Variants in AASS observed in about 807,000 individuals in gnomAD.
The protein encoded by AASS is aminoadipate-semialdehyde synthase.
AASS carries 86 observed loss-of-function variants against 105.4 expected under a neutral mutation model. The ratio of observed to expected loss-of-function variants is 0.82; its 90% CI spans 0.69 to 0.98. The LOEUF (loss-of-function observed/expected upper bound fraction) is 0.98, where lower values mean the gene tolerates loss of function less well. Among genes scored for constraint, AASS ranks in the 50% least tolerant of loss-of-function variants. The pLI is 0.00. For missense variants in AASS, 1,048 were observed against 1,143.2 expected, an observed-to-expected ratio of 0.92 and a Z score of 1.20; for synonymous variants, 381 against 394.8, an observed-to-expected ratio of 0.96 and a Z score of 0.41.
chr7:122,141,927 G>A (rs1269234748), intron 1 of AASS, among the ~76,000 whole-genome samples: 1 of 152,122 alleles, frequency 6.6e-6, no homozygotes, highest in Non-Finnish European at 1.5e-5. Context: ...TAGAAATGTA[G>A]AACATAAATA....
At chr7:122,091,632 C>A (rs1203740080) in intron 18 of AASS, 71 bp downstream of exon 18, 21 of 1,608,944 alleles carry the variant, frequency 1.3e-5, no homozygotes, top group Non-Finnish European at 1.7e-5. Flanking sequence ...GGTTTGGGAT[C>A]AGGGAGTATT....
chr7:122,088,756 C>T (rs73717786), intron 18 of AASS, among the ~76,000 whole-genome samples: 2,034 of 152,120 alleles, frequency 0.013, 50 homozygotes, highest in African/African-American at 0.046. Context: ...CTCACTTAGA[C>T]TACATGTTTT....
At chr7:122,139,973 C>T (rs1272989502) in intron 1 of AASS, among the ~76,000 whole-genome samples, 1 of 149,968 alleles carries the variant, frequency 6.7e-6, no homozygotes, top group African/African-American at 2.4e-5. Context: ...AACAAACAAA[C>T]AAACAAATGA....
chr7:122,077,842 A>G lies in AASS; in HGVS notation c.2658T>C (p.Leu886=). 2.5e-6 allele frequency: 4 copies of G among 1,614,192 alleles called. No individual in the cohort carries two copies. Among genetic ancestry groups the G allele is most frequent in the Non-Finnish European group, 3.4e-6 (4 of 1,180,032 alleles). Residue 886 remains leucine, a synonymous_variant, in exon 23 of 24, where the codon CTT becomes CTC. Coordinates refer to ENST00000417368, the MANE Select transcript of AASS (RefSeq NM_005763.4). ...ACCTCAAATGAACAGACTTACCATC[A>G]AGCAACATTTTGGCTGCCATGGCGG... ...LPTAMAAKML[L]DGEIGAKGLM... is the part of the protein sequence containing the mutation.
intron 14 of AASS, 21 bp from the exon 15 acceptor site, chr7:122,098,597 C>T (rs1375362225): frequency 1.2e-6 from 2 of 1,604,122 alleles, no homozygotes; most frequent in Non-Finnish European, 8.5e-7. Flanking sequence ...AATTAAAAGT[C>T]ACATTTTTAG....
chr7:122,084,096 A>C (rs563960326), intron 19 of AASS, among the ~76,000 whole-genome samples: 1 of 151,506 alleles, frequency 6.6e-6, no homozygotes, highest in South Asian at 2.1e-4. Context: ...CTGCTGGCCA[A>C]AAAAAAAAGT....
At position 122,106,368 on chromosome 7, in the gene AASS, T is replaced by C. The variant is rs185043809; in HGVS notation, c.1279-4688A>G. ...AGATTCAATGCTATTCTTATCAAAT[T>C]ACCCATGACATTCTTCATAGAACTA... On this transcript the variant is annotated intron_variant, in intron 11 of 23. Transcript: ENST00000417368. Among the ~76,000 whole-genome samples, 17 of 152,074 alleles carry C rather than the reference T, an allele frequency of 1.1e-4. No individual in the cohort carries two copies. The East Asian group carries it at 2.9e-3, about 26-fold the overall frequency.
intron 4 of AASS, among the ~76,000 whole-genome samples, chr7:122,123,657 C>T (rs962358850): frequency 6.6e-6 from 1 of 152,224 alleles, no homozygotes; most frequent in African/African-American, 2.4e-5. Flanking sequence ...ATTTACCTTA[C>T]TTCCTTTCTC....
At position 122,076,130 on chromosome 7, in the gene AASS, C is replaced by T. The variant is rs535896137; in HGVS notation, c.*359G>A. On this transcript the variant is annotated 3_prime_UTR_variant, in exon 24 of 24. Coordinates refer to ENST00000417368, the MANE Select transcript of AASS (RefSeq NM_005763.4). ...CGGAGCTTGCAGTGAGCCGAGATCG[C>T]GCCACTGCACTCCAGCCTGGGTGAC... The T allele has an allele frequency of 4.0e-4, 94 of 234,768 alleles. No individual in the cohort carries two copies. The East Asian group carries it at 6.4e-3, about 16-fold the overall frequency. 14.5% of individuals were successfully genotyped at this position (234,768 alleles called of 1,614,324 possible).
chr7:122,122,097 C>A (rs1398326368), intron 4 of AASS, among the ~76,000 whole-genome samples: 1 of 151,918 alleles, frequency 6.6e-6, no homozygotes, highest in Non-Finnish European at 1.5e-5. Flanking sequence ...ATGTTTTTAT[C>A]ATTATTTTTT....
chr7:122,109,402 C>G (rs1222393182), intron 11 of AASS, among the ~76,000 whole-genome samples: 3 of 152,036 alleles, frequency 2.0e-5, no homozygotes, highest in Non-Finnish European at 4.4e-5. Context: ...TCAAAATATA[C>G]TACAAAGCTA....
intron 19 of AASS, chr7:122,082,674 T>C (rs569229350): frequency 2.5e-5 from 11 of 448,628 alleles, no homozygotes; most frequent in Non-Finnish European, 3.5e-5. Flanking sequence ...GCCTAGTCCA[T>C]GGTGAACAAA....
intron 1 of AASS, among the ~76,000 whole-genome samples, chr7:122,136,299 C>A (rs1796137888): frequency 6.6e-6 from 1 of 152,114 alleles, no homozygotes; most frequent in African/African-American, 2.4e-5. Flanking sequence ...GGACACTTTA[C>A]AACAGAATCA....
intron 2 of AASS, among the ~76,000 whole-genome samples, chr7:122,131,925 T>C (rs1795934494): frequency 6.6e-6 from 1 of 152,062 alleles, no homozygotes; most frequent in South Asian, 2.1e-4. Context: ...CTAACCAATT[T>C]TGGGATAATT....
At chr7:122,101,765 C>A in intron 11 of AASS, 85 bp from the exon 12 acceptor site, 1 of 1,018,944 alleles carries the variant, frequency 9.8e-7, no homozygotes, top group Non-Finnish European at 1.5e-6. Flanking sequence ...AAATATTAAT[C>A]AAGGGAAAAA....
intron 15 of AASS, among the ~76,000 whole-genome samples, chr7:122,097,670 C>T (rs1337064456): frequency 2.0e-5 from 3 of 151,954 alleles, no homozygotes; most frequent in Admixed American, 1.3e-4. Context: ...GTTAGTAATA[C>T]TCTATTTCAG....
chr7:122,125,819 G>A (rs760290055), intron 4 of AASS, among the ~76,000 whole-genome samples: 30 of 152,216 alleles, frequency 2.0e-4, no homozygotes, highest in South Asian at 4.2e-4. Context: ...AAATGGGGAC[G>A]AAAGTCTTTG....
intron 13 of AASS, 99 bp downstream of exon 13, chr7:122,101,272 A>G (rs1430472386): frequency 5.1e-6 from 5 of 980,454 alleles, no homozygotes; most frequent in Non-Finnish European, 6.5e-6. Flanking sequence ...ATAGTGTACA[A>G]ACCTAATATT....
At chr7:122,137,573 G>A (rs1046783255) in intron 1 of AASS, among the ~76,000 whole-genome samples, 4 of 152,136 alleles carry the variant, frequency 2.6e-5, no homozygotes, top group Admixed American at 2.6e-4. Context: ...GAAAAAAAAT[G>A]GTTTGATTAT....
Sources: allele counts gnomAD v4.1 joint callset (sites outside exome capture counted in the v4.1 genomes callset), GRCh38; gene constraint gnomAD v4.1.1; transcripts MANE v1.5; gene names NCBI Gene and HGNC (gene_info 2026-07-23, HGNC 2026-07-21).